CYP26C1: variants seen among roughly 807,000 people sequenced by gnomAD.
CYP26C1 encodes the protein cytochrome P450 26C1.
Under a neutral mutation model 39.1 loss-of-function variants are expected in CYP26C1, and 41 were observed. That is an observed-to-expected ratio of 1.05 (90% CI 0.82 to 1.36). The LOEUF is 1.36. Ranked by LOEUF, CYP26C1 falls within the 40% of genes most tolerant of loss-of-function variation. The pLI is 0.00. For missense variants in CYP26C1, 833 were observed against 752.0 expected (o/e 1.11, Z -1.26); for synonymous variants, 362 against 350.8 (o/e 1.03, Z -0.36).
In CYP26C1 at chr10:93,061,019, A is replaced by C; in HGVS notation, c.-245A>C. 1 of 506,974 alleles carries C rather than the reference A, an allele frequency of 2.0e-6. No individual in the cohort carries two copies. Among genetic ancestry groups the C allele is most frequent in the African/African-American group, 2.0e-5 (1 of 49,578 alleles). The allele number at this position is 506,974 out of a possible 1,614,324, so 31.4% of individuals were successfully genotyped here. ...GCATTTGGGCCCAGGAGCCAGGAAAAAGTCCTGAGCGTGCCGGCCTCGAGG... is the reference window on the plus strand; with the variant it reads ...GCATTTGGGCCCAGGAGCCAGGAAACAGTCCTGAGCGTGCCGGCCTCGAGG... On this transcript the variant is annotated 5_prime_UTR_variant, in exon 1 of 6. Coordinates refer to ENST00000651965, the MANE Select transcript of CYP26C1 (RefSeq NM_183374.3).
Position 93,062,780 on chromosome 10 carries a change from G to A in CYP26C1, c.490G>A (p.Ala164Thr). The A allele has an allele frequency of 6.6e-7, 1 of 1,524,452 alleles. No homozygotes were observed. The highest frequency in any genetic ancestry group is 8.8e-7 in the Non-Finnish European group (1 of 1,142,616). 94.4% of individuals were successfully genotyped at this position (1,524,452 alleles called of 1,614,324 possible). A position where few individuals can be genotyped will look rare whatever the true frequency, so the allele number is the denominator to read the frequency against. ...GCGCTACGTGCCGCGCCTGCAGGGG[G>A]CGCTGCGGCATGAGGTGCGCTCCTG... ...LERYVPRLQG[A>T]LRHEVRSWCA... Residue 164 changes from alanine (A) to threonine (T), a missense_variant, in exon 3 of 6, where the codon GCG (alanine) becomes ACG (threonine). Coordinates refer to ENST00000651965, the MANE Select transcript of CYP26C1 (RefSeq NM_183374.3).
Position 93,062,940 on chromosome 10 carries a change from T to C in CYP26C1, c.650T>C (p.Leu217Pro). 6.2e-7 allele frequency: 1 copy of C among 1,603,654 alleles called. No individual in the cohort carries two copies. Residue 217 changes from leucine (L) to proline (P), a missense_variant, in exon 3 of 6, where the codon CTC becomes CCC. Physicochemically the swap from Leu to Pro is moderately conservative, Grantham distance 98. Transcript: ENST00000651965. ...ACGCTGGCCCGGACCTTCGAGCAGCTCGTGGAGAACCTCTTCTCACTGCCT... is the reference window on the plus strand; with the variant it reads ...ACGCTGGCCCGGACCTTCGAGCAGCCCGTGGAGAACCTCTTCTCACTGCCT... ...CATLARTFEQ[L>P]VENLFSLPLD...
intron 1 of CYP26C1, 131 bp downstream of exon 1, chr10:93,061,598 G>A: frequency 2.5e-6 from 3 of 1,203,288 alleles, no homozygotes; most frequent in Non-Finnish European, 3.5e-6. Flanking sequence ...CCCGGGAAGC[G>A]CGCACAACTC....
At chr10:93,066,477 G>A (rs573721873) in intron 5 of CYP26C1, among the ~76,000 whole-genome samples, 192 bp downstream of exon 5, 7 of 152,334 alleles carry the variant, frequency 4.6e-5, no homozygotes, top group African/African-American at 1.7e-4. Context: ...CCACCTCCCC[G>A]GATCCCCCGC....
chr10:93,064,419 G>T lies in CYP26C1; in HGVS notation c.744G>T (p.Glu248Asp). 2 of 1,614,146 alleles carry T rather than the reference G, an allele frequency of 1.2e-6. No homozygotes were observed. Among genetic ancestry groups the T allele is most frequent in the Non-Finnish European group, 1.7e-6 (2 of 1,180,012 alleles). ...GGGACCAGCTGCATCGGCACCTGGA[G>T]GGGGCCATTTCTGAGAAGCTTCACG... ...RARDQLHRHL[E>D]GAISEKLHED... Residue 248 changes from glutamate to aspartate, a missense_variant, in exon 4 of 6, where the codon GAG becomes GAT. By Grantham distance (45) the Glu-to-Asp change is conservative (BLOSUM62 2). Coordinates refer to ENST00000651965, the MANE Select transcript of CYP26C1 (RefSeq NM_183374.3).
intron 3 of CYP26C1, chr10:93,063,364 T>C: frequency 9.7e-7 from 1 of 1,036,104 alleles, no homozygotes; most frequent in Non-Finnish European, 1.2e-6. Context: ...CATCACCTCT[T>C]CGGAAGCCCA....
rs1171405166 is a variant in CYP26C1 at position 93,068,630 on chromosome 10, T to A, written c.1502T>A (p.Val501Glu). 1 of 1,599,972 alleles carries A rather than the reference T, an allele frequency of 6.3e-7. No individual in the cohort carries two copies. The highest frequency in any genetic ancestry group is 8.5e-7 in the Non-Finnish European group (1 of 1,173,822). Residue 501 changes from valine (V) to glutamate (E), a missense_variant, in exon 6 of 6, where the codon GTG becomes GAG. Coordinates refer to ENST00000651965, the MANE Select transcript of CYP26C1 (RefSeq NM_183374.3). ...AMQTVPIVHPVDGLRLFFHPL... is the reference protein window; with the variant it reads ...AMQTVPIVHPEDGLRLFFHPL... Reference sequence around the variant, plus strand: ...CAGACGGTGCCCATCGTGCACCCAGTGGACGGGCTGCGGCTCTTTTTCCAC... The same window carrying A: ...CAGACGGTGCCCATCGTGCACCCAGAGGACGGGCTGCGGCTCTTTTTCCAC...
chr10:93,066,345 GC>G, intron 5 of CYP26C1, 60 bp downstream of exon 5: 8 of 1,240,832 alleles, frequency 6.4e-6, no homozygotes, highest in Non-Finnish European at 8.1e-6. Flanking sequence ...GCCGCCTGCC[GC>G]CTGCCGCCTG....
At chr10:93,064,622 T>C (rs1713076216) in intron 4 of CYP26C1, 86 bp downstream of exon 4, 9 of 1,523,112 alleles carry the variant, frequency 5.9e-6, no homozygotes, top group Non-Finnish European at 7.9e-6. Context: ...GAGCCACATC[T>C]TGTGTGGCCC....
chr10:93,063,187 T>G, intron 3 of CYP26C1, 192 bp downstream of exon 3: 1 of 1,346,448 alleles, frequency 7.4e-7, no homozygotes, highest in Non-Finnish European at 9.5e-7. Context: ...TCTGTGCTGG[T>G]TCGCTGGTGT....
intron 4 of CYP26C1, among the ~76,000 whole-genome samples, chr10:93,064,975 T>G (rs1182231838): frequency 6.6e-6 from 1 of 152,120 alleles, no homozygotes; most frequent in Non-Finnish European, 1.5e-5. Flanking sequence ...CAAAATCACC[T>G]CTCTCCTTCT....
intron 5 of CYP26C1, 43 bp downstream of exon 5, chr10:93,066,328 GCCGC>G: frequency 3.3e-6 from 1 of 299,948 alleles, no homozygotes; most frequent in Non-Finnish European, 4.5e-6. Context: ...CCTGCCTCCT[GCCGC>G]CTGCCGCCTG....
At position 93,061,180 on chromosome 10, in the gene CYP26C1, G is replaced by A; in HGVS notation, c.-84G>A. 1 of 1,419,940 alleles carries A rather than the reference G, an allele frequency of 7.0e-7. No homozygotes were observed. The highest frequency in any genetic ancestry group is 2.1e-5 in the Admixed American group (1 of 47,888). The allele number at this position is 1,419,940 out of a possible 1,614,324, so 88.0% of individuals were successfully genotyped here. A position where few individuals can be genotyped will look rare whatever the true frequency, so the allele number is the denominator to read the frequency against. On this transcript the variant is annotated 5_prime_UTR_variant, in exon 1 of 6. Transcript: ENST00000651965. ...CAGGCCTTTTGCGGACGGAACAGGT[G>A]AGCACTGCGCACTGCTCGCGCCCCG...
At chr10:93,063,607 T>C (rs1846779777) in intron 3 of CYP26C1, 2 of 985,462 alleles carry the variant, frequency 2.0e-6, no homozygotes, top group Non-Finnish European at 2.4e-6. Flanking sequence ...CTTCCCACTG[T>C]TTGATTCCCT....
intron 3 of CYP26C1, chr10:93,063,479 G>A (rs903717619): frequency 1.0e-6 from 1 of 987,614 alleles, no homozygotes; most frequent in Admixed American, 6.1e-5. Context: ...CACCAGCCCT[G>A]GACCCGCTAG....
In CYP26C1 at chr10:93,066,052, G is replaced by C. The variant is rs897083662; in HGVS notation, c.958G>C (p.Ala320Pro). The change falls in exon 5 of 6, where the codon GCC becomes CCC. Residue 320 changes from alanine to proline, a missense_variant. Transcript: ENST00000651965. ...LLLLQHPAAI[A>P]KIREELVAQG... is the part of the protein sequence containing the mutation. ...GCTACTGCAGCATCCGGCGGCCATC[G>C]CCAAGATTCGGGAGGAGCTGGTGGC... 6 of 1,524,114 alleles carry C rather than the reference G, an allele frequency of 3.9e-6. No individual in the cohort carries two copies. In the South Asian group the frequency reaches 6.1e-5, roughly 16 times the overall value. The allele number at this position is 1,524,114 out of a possible 1,614,324, so 94.4% of individuals were successfully genotyped here.
At position 93,060,965 on chromosome 10, in the gene CYP26C1, G is replaced by A; in HGVS notation, c.-299G>A. On this transcript the variant is annotated 5_prime_UTR_variant, in exon 1 of 6. Transcript: ENST00000651965. ...CGCGGAGCCGGGAGTGAGCGTTCCCGAGGCAGCAGGCACCTTCGAGAGGGA... is the reference window on the plus strand; with the variant it reads ...CGCGGAGCCGGGAGTGAGCGTTCCCAAGGCAGCAGGCACCTTCGAGAGGGA... 2.4e-6 allele frequency: 1 copy of A among 424,150 alleles called. No individual in the cohort carries two copies. 26.3% of individuals were successfully genotyped at this position (424,150 alleles called of 1,614,324 possible).
chr10:93,063,247 G>C (rs531939849), intron 3 of CYP26C1: 2 of 1,230,342 alleles, frequency 1.6e-6, no homozygotes, highest in Non-Finnish European at 2.0e-6. Context: ...GCCGCGACGC[G>C]CTCCAGCCTG....
intron 4 of CYP26C1, among the ~76,000 whole-genome samples, chr10:93,065,221 T>C (rs1846809261): frequency 2.0e-5 from 3 of 152,214 alleles, no homozygotes; most frequent in Admixed American, 2.0e-4. Flanking sequence ...TTACGCATCC[T>C]TTCTCTGGGC....
Sources: allele counts gnomAD v4.1 joint callset (sites outside exome capture counted in the v4.1 genomes callset), GRCh38; gene constraint gnomAD v4.1.1; transcripts MANE v1.5; gene names NCBI Gene and HGNC (gene_info 2026-07-23, HGNC 2026-07-21).